Variants in ESRRG observed in about 807,000 individuals in gnomAD.
The protein encoded by ESRRG is estrogen-related receptor gamma.
In ESRRG, 13 loss-of-function variants were observed where a neutral mutation model predicts 44.0. That is an observed-to-expected ratio of 0.30 (90% confidence interval 0.19 to 0.47). The LOEUF (loss-of-function observed/expected upper bound fraction) is 0.47. ESRRG is among the 20% of genes least tolerant of loss of function. ESRRG has a pLI of 1.00. For synonymous variants in ESRRG, 215 were observed against 214.6 expected, an observed-to-expected ratio of 1.00 and a Z score of -0.02; for missense variants, 395 against 580.6, an observed-to-expected ratio of 0.68 and a Z score of 3.29.
intron 2 of ESRRG, among the ~76,000 whole-genome samples, chr1:216,834,936 A>C (rs1252721891): frequency 6.6e-6 from 1 of 152,184 alleles, no homozygotes; most frequent in Non-Finnish European, 1.5e-5. Flanking sequence ...AGAGACAGCA[A>C]TTGAAGTACA....
At chr1:216,906,078 T>TACCTAGAA (rs2059656298) in intron 2 of ESRRG, among the ~76,000 whole-genome samples, 1 of 152,238 alleles carries the variant, frequency 6.6e-6, no homozygotes, top group South Asian at 2.1e-4. Flanking sequence ...GAAAGATCTC[T>TACCTAGAA]ACCTAGAAAC....
At chr1:216,627,885 G>A (rs1365820570) in intron 3 of ESRRG, among the ~76,000 whole-genome samples, 1 of 152,006 alleles carries the variant, frequency 6.6e-6, no homozygotes, top group Non-Finnish European at 1.5e-5. Flanking sequence ...TCCTATGCTT[G>A]TTTTTGTATT....
intron 1 of ESRRG, among the ~76,000 whole-genome samples, chr1:216,946,712 T>A (rs11117732): frequency 0.33 from 49,522 of 151,620 alleles, 9,456 homozygotes; most frequent in Non-Finnish European, 0.44. Flanking sequence ...CCTTTCTTCC[T>A]TTTTTCTTTC....
intron 1 of ESRRG, among the ~76,000 whole-genome samples, chr1:216,994,885 C>T (rs907468606): frequency 6.6e-6 from 1 of 152,096 alleles, no homozygotes; most frequent in Non-Finnish European, 1.5e-5. Context: ...GTGCCCGGCC[C>T]CGTCCAACAA....
intron 1 of ESRRG, among the ~76,000 whole-genome samples, chr1:217,129,635 A>G (rs2092938171): frequency 6.6e-6 from 1 of 152,252 alleles, no homozygotes; most frequent in Admixed American, 6.5e-5. Flanking sequence ...GAACTGACTC[A>G]TGTTACAATA....
intron 2 of ESRRG, among the ~76,000 whole-genome samples, chr1:216,657,244 A>G (rs2070862455): frequency 6.6e-6 from 1 of 152,216 alleles, no homozygotes; most frequent in Non-Finnish European, 1.5e-5. Context: ...CTATATCTGT[A>G]ACTTTTAAAA....
At chr1:216,805,112 G>A (rs939808638) in intron 2 of ESRRG, 3 of 152,140 alleles carry the variant, frequency 2.0e-5, no homozygotes, top group Admixed American at 6.6e-5. Flanking sequence ...TCTTTGAATC[G>A]AGATGTGGTG....
At chr1:216,658,554 C>G (rs1948639) in intron 2 of ESRRG, among the ~76,000 whole-genome samples, 130,769 of 151,872 alleles carry the variant, frequency 0.86, 56,341 homozygotes, top group Admixed American at 0.89. Context: ...AGGCACTGTG[C>G]CTCATGCTGT....
At chr1:216,671,864 A>C (rs1478112801) in intron 2 of ESRRG, among the ~76,000 whole-genome samples, 1 of 152,180 alleles carries the variant, frequency 6.6e-6, no homozygotes, top group African/African-American at 2.4e-5. Context: ...TATGGACATA[A>C]AAACTTCAGG....
At chr1:216,543,184 T>C (rs1016415679) in intron 5 of ESRRG, among the ~76,000 whole-genome samples, 4 of 152,060 alleles carry the variant, frequency 2.6e-5, no homozygotes, top group Admixed American at 1.3e-4. Context: ...TGTTCTGATA[T>C]TGCCTGCAGC....
chr1:216,920,959 A>C (rs2061765895), intron 2 of ESRRG, among the ~76,000 whole-genome samples: 1 of 152,152 alleles, frequency 6.6e-6, no homozygotes, highest in Admixed American at 6.6e-5. Context: ...CTAAGTTTAA[A>C]TCCCAGACCC....
intron 1 of ESRRG, among the ~76,000 whole-genome samples, chr1:216,972,488 C>T (rs2071891022): frequency 6.6e-6 from 1 of 152,140 alleles, no homozygotes; most frequent in Non-Finnish European, 1.5e-5. Flanking sequence ...CCTCCATGTT[C>T]ATATACAAAC....
At chr1:216,710,110 G>A (rs540203406) in intron 1 of ESRRG, among the ~76,000 whole-genome samples, 2 of 152,234 alleles carry the variant, frequency 1.3e-5, no homozygotes, top group South Asian at 4.1e-4. Context: ...TAAACAAGGC[G>A]GGTACAAGTC....
chr1:216,596,217 A>G (rs1466959873), intron 3 of ESRRG, among the ~76,000 whole-genome samples: 2 of 152,204 alleles, frequency 1.3e-5, no homozygotes, highest in Admixed American at 1.3e-4. Flanking sequence ...CCAAAGTAAT[A>G]AAGACTTCTG....
chr1:216,733,958 G>C (rs377682126), intron 2 of ESRRG, among the ~76,000 whole-genome samples: 1 of 147,880 alleles, frequency 6.8e-6, no homozygotes, highest in East Asian at 2.0e-4. Context: ...ACTCCAGCCC[G>C]GTCAACAGAG....
intron 2 of ESRRG, among the ~76,000 whole-genome samples, chr1:216,802,654 C>A (rs368189495): frequency 6.6e-6 from 1 of 152,090 alleles, no homozygotes. Flanking sequence ...GGTGACACAT[C>A]CATGAATTCT....
intron 2 of ESRRG, among the ~76,000 whole-genome samples, chr1:216,902,645 A>C (rs550794925): frequency 6.6e-6 from 1 of 152,310 alleles, no homozygotes; most frequent in South Asian, 2.1e-4. Context: ...AGAGTTCTGT[A>C]GTGAGCTGGT....
chr1:216,934,095 G>A (rs2063746597), intron 2 of ESRRG, among the ~76,000 whole-genome samples: 1 of 152,148 alleles, frequency 6.6e-6, no homozygotes. Context: ...TTCTCCCAAA[G>A]TTAGATGATA....
intron 1 of ESRRG, among the ~76,000 whole-genome samples, chr1:217,106,359 C>T (rs1216099778): frequency 6.6e-6 from 1 of 150,790 alleles, no homozygotes; most frequent in Non-Finnish European, 1.5e-5. Flanking sequence ...TCGTTTATAC[C>T]ACACACATAC....
Sources: gnomAD v4.1 joint callset for allele counts (sites outside exome capture counted in the v4.1 genomes callset) on GRCh38, gnomAD v4.1.1 for gene constraint, MANE v1.5 for transcripts, NCBI Gene and HGNC (gene_info 2026-07-23, HGNC 2026-07-21) for gene names.